Variants in FBLN5 observed in about 807,000 individuals in gnomAD.
FBLN5 encodes the protein fibulin 5.
A neutral mutation model predicts 61.6 loss-of-function variants in FBLN5; 24 were observed. That is an observed-to-expected ratio of 0.39 (90% CI 0.28 to 0.55). FBLN5 has a LOEUF of 0.55. Among genes scored for constraint, FBLN5 ranks in the 20% least tolerant of loss-of-function variants. FBLN5 has a pLI of 0.65. For missense variants in FBLN5, 470 were observed against 594.1 expected (o/e 0.79, Z 2.17); for synonymous variants, 213 against 219.8 (o/e 0.97, Z 0.27).
At chr14:91,905,618 T>C (rs1207219603) in intron 4 of FBLN5, among the ~76,000 whole-genome samples, 1 of 149,812 alleles carries the variant, frequency 6.7e-6, no homozygotes, top group African/African-American at 2.5e-5. Flanking sequence ...CCTAACTCTG[T>C]CGCCAGGCTG....
intron 4 of FBLN5, among the ~76,000 whole-genome samples, chr14:91,918,983 G>T (rs2055676456): frequency 6.6e-6 from 1 of 152,188 alleles, no homozygotes; most frequent in Non-Finnish European, 1.5e-5. Context: ...GATCAGTAAA[G>T]ATCTAAGAAG....
chr14:91,909,011 G>A lies in FBLN5; in HGVS notation c.380-13939C>T, dbSNP rs182473152. On this transcript the variant is annotated intron_variant, in intron 4 of 10. Transcript: ENST00000342058. Reference sequence around the variant, plus strand: ...CGGCTCACCGCAAGCTTCACCTCCCGGGTTCACGCCATTCTCCTGCCTCAG... The same window carrying A: ...CGGCTCACCGCAAGCTTCACCTCCCAGGTTCACGCCATTCTCCTGCCTCAG... 8.6e-3 allele frequency among the ~76,000 whole-genome samples: 1,307 copies of A among 152,060 alleles called. 9 individuals carry two copies. Among genetic ancestry groups the A allele is most frequent in the Non-Finnish European group, 0.012 (830 of 67,988 alleles).
At chr14:91,942,861 G>C in intron 2 of FBLN5, 46 bp downstream of exon 2, 1 of 1,303,220 alleles carries the variant, frequency 7.7e-7, no homozygotes, top group East Asian at 2.5e-5. Flanking sequence ...CCCTCACCCC[G>C]GATTTTAATA....
chr14:91,874,769 A>C (rs1889091335), intron 10 of FBLN5: 1 of 152,288 alleles, frequency 6.6e-6, no homozygotes, highest in Non-Finnish European at 1.5e-5. Flanking sequence ...CTGTGATCCA[A>C]AGCCAGATGT....
chr14:91,881,432 G>A lies in FBLN5; in HGVS notation c.863-14C>T, dbSNP rs762040092. 1.9e-6 allele frequency: 3 copies of A among 1,614,112 alleles called. No individual in the cohort carries two copies. Among genetic ancestry groups the A allele is most frequent in the Non-Finnish European group, 2.5e-6 (3 of 1,180,006 alleles). On this transcript the variant is annotated splice_polypyrimidine_tract_variant and intron_variant, in intron 8 of 10. Coordinates refer to ENST00000342058, the MANE Select transcript of FBLN5 (RefSeq NM_006329.4). ...ATTCGTTGATGTCTGAAATGCAGGG[G>A]AGACAAGAAGCGGAGGCAGGGCATT... is the stretch of plus-strand genomic sequence containing the variant.
intron 4 of FBLN5, among the ~76,000 whole-genome samples, chr14:91,911,406 T>C (rs1890927773): frequency 6.6e-6 from 1 of 152,206 alleles, no homozygotes; most frequent in Admixed American, 6.5e-5. Flanking sequence ...TTTGTGAGAA[T>C]CACACATAAC....
chr14:91,912,866 C>T (rs1419352170), intron 4 of FBLN5, among the ~76,000 whole-genome samples: 1 of 149,936 alleles, frequency 6.7e-6, no homozygotes, highest in Non-Finnish European at 1.5e-5. Context: ...AGACACTTTT[C>T]TTCTTTAATA....
chr14:91,890,884 C>T (rs1400095980), intron 6 of FBLN5, among the ~76,000 whole-genome samples: 2 of 152,194 alleles, frequency 1.3e-5, no homozygotes, highest in African/African-American at 4.8e-5. Flanking sequence ...ACTTAGGCTA[C>T]AGGACATGCA....
chr14:91,898,513 C>T (rs1355365817), intron 4 of FBLN5, among the ~76,000 whole-genome samples: 1 of 152,156 alleles, frequency 6.6e-6, no homozygotes, highest in Non-Finnish European at 1.5e-5. Context: ...TCACACATTC[C>T]AGCTCACAGC....
chr14:91,870,442 C>G, intron 10 of FBLN5, 57 bp from the exon 11 acceptor site: 1 of 1,577,998 alleles, frequency 6.3e-7, no homozygotes, highest in Non-Finnish European at 8.7e-7. Flanking sequence ...GGCCCTGCAG[C>G]CCCACCTGGG....
intron 4 of FBLN5, among the ~76,000 whole-genome samples, chr14:91,907,975 A>C (rs1890753857): frequency 6.6e-6 from 1 of 151,992 alleles, no homozygotes; most frequent in Non-Finnish European, 1.5e-5. Context: ...AAACCAAAAA[A>C]CCCAAATGCC....
chr14:91,925,244 T>C (rs1159874518), intron 4 of FBLN5, among the ~76,000 whole-genome samples: 1 of 152,086 alleles, frequency 6.6e-6, no homozygotes, highest in East Asian at 1.9e-4. Context: ...GGCCCCAGAG[T>C]CTGTGGATGC....
intron 6 of FBLN5, among the ~76,000 whole-genome samples, chr14:91,887,686 C>A (rs979015605): frequency 6.6e-6 from 1 of 152,078 alleles, no homozygotes; most frequent in African/African-American, 2.4e-5. Context: ...TCAGTGAACA[C>A]CCCTCACCCT....
At chr14:91,928,180 C>T (rs1377425584) in intron 4 of FBLN5, among the ~76,000 whole-genome samples, 2 of 152,234 alleles carry the variant, frequency 1.3e-5, no homozygotes, top group East Asian at 1.9e-4. Flanking sequence ...ACACACGCAA[C>T]AGAGAAGAGC....
In FBLN5 at chr14:91,877,681, G is replaced by A. The variant is rs1233939636; in HGVS notation, c.991C>T (p.Arg331Cys). 3.7e-6 allele frequency: 6 copies of A among 1,613,312 alleles called. No homozygotes were observed. Among genetic ancestry groups the A allele is most frequent in the Non-Finnish European group, 4.2e-6 (5 of 1,179,432 alleles). ...EEPYLRISDN[R>C]CMCPAENPGC... is the part of the protein sequence containing the mutation. ...GGGTTCTCAGCAGGACACATACAGCGGCTGTGGAAAGGGAAATCACGTGAG... is the reference window on the plus strand; with the variant it reads ...GGGTTCTCAGCAGGACACATACAGCAGCTGTGGAAAGGGAAATCACGTGAG... The change falls in exon 10 of 11, where the codon CGC (arginine) becomes TGC (cysteine). Residue 331 changes from arginine to cysteine, a missense_variant and splice_region_variant. Physicochemically the swap from Arg to Cys is radical, Grantham distance 180 (BLOSUM62 -3). Transcript: ENST00000342058.
intron 3 of FBLN5, among the ~76,000 whole-genome samples, chr14:91,937,789 C>T (rs1314372219): frequency 6.6e-6 from 1 of 152,152 alleles, no homozygotes; most frequent in African/African-American, 2.4e-5. Flanking sequence ...GAAATAAATT[C>T]CTCTTCTTTA....
At chr14:91,919,346 A>AAAAAGAAAAGAAAAG (rs1224425076) in intron 4 of FBLN5, among the ~76,000 whole-genome samples, 9 of 85,462 alleles carry the variant, frequency 1.1e-4, no homozygotes, top group African/African-American at 3.8e-4. Flanking sequence ...AAAGAAAAAA[A>AAAAAGAAAAGAAAAG]AAAAGAAAAG....
At chr14:91,925,466 A>G (rs1342604773) in intron 4 of FBLN5, among the ~76,000 whole-genome samples, 3 of 152,162 alleles carry the variant, frequency 2.0e-5, no homozygotes, top group Non-Finnish European at 4.4e-5. Context: ...CTCTGTTTCC[A>G]AGACAAACAG....
intron 8 of FBLN5, among the ~76,000 whole-genome samples, chr14:91,881,945 A>C (rs1204795299): frequency 6.6e-6 from 1 of 152,124 alleles, no homozygotes; most frequent in Non-Finnish European, 1.5e-5. Flanking sequence ...GTAAAATACA[A>C]AAATACAGAA....
Sources: allele counts gnomAD v4.1 joint callset (sites outside exome capture counted in the v4.1 genomes callset), GRCh38; gene constraint gnomAD v4.1.1; transcripts MANE v1.5; gene names NCBI Gene and HGNC (gene_info 2026-07-23, HGNC 2026-07-21).